The following KREMEN1 variants were observed in gnomAD, a reference collection of about 807,000 sequenced individuals.
KREMEN1 encodes the protein kremen protein 1.
KREMEN1 carries 30 observed loss-of-function variants against 46.5 expected under a neutral mutation model. That is an observed-to-expected ratio of 0.65 (90% CI 0.48 to 0.88). KREMEN1 has a LOEUF of 0.88. Among genes scored for constraint, KREMEN1 ranks in the 40% least tolerant of loss-of-function variants. KREMEN1 has a pLI of 0.00. For synonymous variants in KREMEN1, 214 were observed against 230.6 expected (o/e 0.93, Z 0.65); for missense variants, 533 against 596.9 (o/e 0.89, Z 1.11).
intron 1 of KREMEN1, among the ~76,000 whole-genome samples, chr22:29,078,494 A>AGAAG (rs1556000677): frequency 3.4e-5 from 5 of 147,556 alleles, no homozygotes; most frequent in Non-Finnish European, 7.4e-5. Flanking sequence ...AAAAAAAAAA[A>AGAAG]AAGAAGAAGA....
At chr22:29,111,826 T>C (rs1165913182) in intron 3 of KREMEN1, 1 of 152,134 alleles carries the variant, frequency 6.6e-6, no homozygotes, top group Admixed American at 6.5e-5. Flanking sequence ...ATAATAATAG[T>C]CAGGGCTGCT....
At chr22:29,074,289 G>A (rs988997206) in intron 1 of KREMEN1, among the ~76,000 whole-genome samples, 3 of 152,200 alleles carry the variant, frequency 2.0e-5, no homozygotes, top group Non-Finnish European at 4.4e-5. Flanking sequence ...AGAAGGGGGA[G>A]AGAAAAAAGG....
At chr22:29,121,845 C>T (rs563197763) in intron 4 of KREMEN1, among the ~76,000 whole-genome samples, 1 of 152,282 alleles carries the variant, frequency 6.6e-6, no homozygotes, top group South Asian at 2.1e-4. Context: ...AATTACATTT[C>T]AGTTTTTAAA....
Position 29,103,134 on chromosome 22 carries a change from G to A in KREMEN1, c.352+4181G>A, listed in dbSNP as rs143498590. Among the ~76,000 whole-genome samples the A allele has an allele frequency of 2.9e-3, 446 of 152,276 alleles. 19 individuals carry two copies. The East Asian group carries it at 0.07, about 24-fold the overall frequency. ...CACTTTTGCCCTATTTCTGGATGTG[G>A]AGTCACAATTTTCATGAATAATACT... is the stretch of plus-strand genomic sequence containing the variant. On this transcript the variant is annotated intron_variant, in intron 3 of 8. Coordinates refer to ENST00000400335, the MANE Select transcript of KREMEN1 (RefSeq NM_001039570.3).
chr22:29,105,409 T>C (rs2038040234), intron 3 of KREMEN1, among the ~76,000 whole-genome samples: 1 of 151,610 alleles, frequency 6.6e-6, no homozygotes, highest in African/African-American at 2.4e-5. Context: ...AGTAAGGGCA[T>C]TGGAGGCAAA....
At position 29,138,635 on chromosome 22, in the gene KREMEN1, G is replaced by A. The variant is rs769117897; in HGVS notation, c.976G>A (p.Glu326Lys). 1 of 1,614,108 alleles carries A rather than the reference G, an allele frequency of 6.2e-7. No homozygotes were observed. Among genetic ancestry groups the A allele is most frequent in the African/African-American group, 1.3e-5 (1 of 74,936 alleles). ...FAVLYQAVKE[E>K]LPQERPAVNQ... The stretch of plus-strand genomic sequence containing the variant: ...TTTTTCTCTTCCAGCCGTCAAGGAA[G>A]AACTGCCACAGGAGAGGCCCGCTGT... The change falls in exon 7 of 9, where the codon GAA becomes AAA. Residue 326 changes from glutamate (E) to lysine (K), a missense_variant. Glu to Lys is a moderately conservative substitution (Grantham distance 56). Coordinates refer to ENST00000400335, the MANE Select transcript of KREMEN1 (RefSeq NM_001039570.3).
intron 8 of KREMEN1, among the ~76,000 whole-genome samples, chr22:29,141,633 T>G (rs2038764281): frequency 6.6e-6 from 1 of 152,232 alleles, no homozygotes; most frequent in Admixed American, 6.5e-5. Flanking sequence ...AGACAGTTCT[T>G]TTATTTAAAA....
intron 1 of KREMEN1, among the ~76,000 whole-genome samples, chr22:29,089,158 C>T (rs1006467721): frequency 7.2e-5 from 11 of 152,144 alleles, no homozygotes; most frequent in African/African-American, 2.7e-4. Flanking sequence ...AGCCTTTTTC[C>T]TCAACTCCAG....
chr22:29,137,821 G>A, intron 6 of KREMEN1, 147 bp downstream of exon 6: 1 of 544,506 alleles, frequency 1.8e-6, no homozygotes, highest in East Asian at 3.1e-5. Flanking sequence ...CCGAGGCTGT[G>A]GCTCCTTCCC....
At chr22:29,107,632 C>T (rs944199785) in intron 3 of KREMEN1, among the ~76,000 whole-genome samples, 1 of 151,932 alleles carries the variant, frequency 6.6e-6, no homozygotes, top group Non-Finnish European at 1.5e-5. Flanking sequence ...GCTTATAATC[C>T]CAGCACTTTG....
At chr22:29,161,667 G>A (rs2039013464) in intron 9 of KREMEN1, among the ~76,000 whole-genome samples, 1 of 151,990 alleles carries the variant, frequency 6.6e-6, no homozygotes, top group African/African-American at 2.4e-5. Flanking sequence ...AATCAGGTAG[G>A]AGGAACTCTT....
intron 9 of KREMEN1, among the ~76,000 whole-genome samples, chr22:29,153,961 C>T (rs1377144404): frequency 9.1e-6 from 1 of 109,976 alleles, no homozygotes; most frequent in Non-Finnish European, 1.9e-5. Context: ...AACGGCAAGA[C>T]TTCCTCTCAA....
intron 9 of KREMEN1, among the ~76,000 whole-genome samples, chr22:29,155,115 T>A (rs1465612247): frequency 6.6e-6 from 1 of 152,212 alleles, no homozygotes; most frequent in Non-Finnish European, 1.5e-5. Flanking sequence ...GTGTAATTTT[T>A]TTTTTTTGGC....
chr22:29,087,090 T>G (rs2037742166), intron 1 of KREMEN1, among the ~76,000 whole-genome samples: 1 of 152,172 alleles, frequency 6.6e-6, no homozygotes, highest in Admixed American at 6.6e-5. Context: ...TACCTAAACC[T>G]TAGATTTCTA....
Position 29,073,182 on chromosome 22 carries a change from C to G in KREMEN1, c.52C>G (p.Leu18Val). Residue 18 changes from leucine to valine, a missense_variant, in exon 1 of 9, where the codon CTG becomes GTG. Physicochemically the swap from Leu to Val is conservative, Grantham distance 32. Transcript: ENST00000400335. This position sits in a 1 kb window ranked among gnomAD's most constrained non-coding sequence, Gnocchi z 4.4. Reference protein sequence around the residue: ...LALLSAAALTLAARPAPSPGL... With the variant: ...LALLSAAALTVAARPAPSPGL... Reference sequence around the variant, plus strand: ...CCTGCTCTCCGCCGCGGCGCTCACGCTGGCGGCCCGGCCCGCGCCTAGCCC... The same window carrying G: ...CCTGCTCTCCGCCGCGGCGCTCACGGTGGCGGCCCGGCCCGCGCCTAGCCC... The G allele has an allele frequency of 8.4e-7, 1 of 1,184,318 alleles. No homozygotes were observed. The highest frequency in any genetic ancestry group is 1.0e-6 in the Non-Finnish European group (1 of 959,480). 73.4% of individuals were successfully genotyped at this position (1,184,318 alleles called of 1,614,324 possible).
At chr22:29,147,423 C>T (rs1236823432), downstream of KREMEN1, among the ~76,000 whole-genome samples, 5 of 152,190 alleles carry the variant, frequency 3.3e-5, no homozygotes, top group Non-Finnish European at 7.3e-5. Flanking sequence ...TCCTACAACT[C>T]TTCGCCATGG....
intron 1 of KREMEN1, among the ~76,000 whole-genome samples, chr22:29,086,563 C>T (rs2037731676): frequency 6.6e-6 from 1 of 152,166 alleles, no homozygotes; most frequent in South Asian, 2.1e-4. Context: ...GGGCCACATG[C>T]CCCTTTACTA....
chr22:29,144,430 T>C lies in KREMEN1; in HGVS notation c.*2318T>C, dbSNP rs1346664146. ...GGCAGGACTGCCACCCCAGGCCCCG[T>C]GGGAGGCCTGCTGAGGGCACAGAGC... On this transcript the variant is annotated 3_prime_UTR_variant, in exon 9 of 9. Transcript: ENST00000400335. The C allele has an allele frequency of 2.0e-6, 2 of 985,596 alleles. No homozygotes were observed. Among genetic ancestry groups the C allele is most frequent in the East Asian group, 1.1e-4 (1 of 8,812 alleles). 61.1% of individuals were successfully genotyped at this position (985,596 alleles called of 1,614,324 possible).
In KREMEN1 at chr22:29,133,648, C is replaced by G. The variant is rs182829585; in HGVS notation, c.632-3694C>G. Reference sequence around the variant, plus strand: ...ATGTGTCTAGGTGTGTCTTCTTTGTCTGTTTTTTTTTGTTTGTTTTTTTTG... The same window carrying G: ...ATGTGTCTAGGTGTGTCTTCTTTGTGTGTTTTTTTTTGTTTGTTTTTTTTG... On this transcript the variant is annotated intron_variant, in intron 5 of 8. Coordinates refer to ENST00000400335, the MANE Select transcript of KREMEN1 (RefSeq NM_001039570.3). 9.0e-3 allele frequency among the ~76,000 whole-genome samples: 1,362 copies of G among 150,730 alleles called. 14 individuals carry two copies. Among genetic ancestry groups the G allele is most frequent in the African/African-American group, 0.032 (1,299 of 41,168 alleles).
Sources: gnomAD v4.1 joint callset for allele counts (sites outside exome capture counted in the v4.1 genomes callset) on GRCh38, gnomAD v4.1.1 for gene constraint, Gnocchi (gnomAD v3.1) non-coding constraint, MANE v1.5 for transcripts, NCBI Gene and HGNC (gene_info 2026-07-23, HGNC 2026-07-21) for gene names.